MACO1: variants seen among roughly 807,000 people sequenced by gnomAD.
The protein encoded by MACO1 is macoilin.
A neutral mutation model predicts 78.7 loss-of-function variants in MACO1; 14 were observed. The ratio of observed to expected loss-of-function variants is 0.18; its 90% confidence interval spans 0.12 to 0.28. MACO1 has a LOEUF of 0.28. Ranked by LOEUF, MACO1 falls within the 10% of genes least tolerant of loss-of-function variation. The pLI is 1.00. For synonymous variants in MACO1, 288 were observed against 291.6 expected, an observed-to-expected ratio of 0.99 and a Z score of 0.12; for missense variants, 501 against 799.0, an observed-to-expected ratio of 0.63 and a Z score of 4.50.
intron 4 of MACO1, 100 bp downstream of exon 4, chr1:25,454,482 ATATATAT>A: frequency 6.2e-6 from 1 of 161,396 alleles, no homozygotes; most frequent in Middle Eastern, 3.1e-3. Flanking sequence ...ATATATATAT[ATATATAT>A]TTTTTTTTTT....
intron 10 of MACO1, among the ~76,000 whole-genome samples, chr1:25,493,783 A>G (rs2043510122): frequency 8.1e-6 from 1 of 122,942 alleles, no homozygotes. Flanking sequence ...CCCAGGCTGG[A>G]GTGCAGTGGC....
Position 25,475,539 on chromosome 1 carries a change from C to T in MACO1, c.1155-8577C>T, listed in dbSNP as rs897086347. Among the ~76,000 whole-genome samples, 81 of 148,222 alleles carry T rather than the reference C, an allele frequency of 5.5e-4. 1 individual carries two copies. The highest frequency in any genetic ancestry group is 3.0e-3 in the Admixed American group (45 of 14,916). On this transcript the variant is annotated intron_variant, in intron 6 of 10. Transcript: ENST00000374343. The stretch of plus-strand genomic sequence containing the variant: ...GACCAGTCTGGTCAACATAGCAAGA[C>T]CCAGGCTCTACAAAAAAAAAAAAAA...
intron 6 of MACO1, among the ~76,000 whole-genome samples, chr1:25,473,736 T>G (rs1214235176): frequency 6.6e-6 from 1 of 152,256 alleles, no homozygotes; most frequent in Non-Finnish European, 1.5e-5. Flanking sequence ...TCTTTAAATA[T>G]TATTCATGCT....
intron 4 of MACO1, 104 bp from the exon 5 acceptor site, chr1:25,456,549 T>A: frequency 8.5e-7 from 1 of 1,174,968 alleles, no homozygotes; most frequent in Non-Finnish European, 1.2e-6. Flanking sequence ...CATCATCAAT[T>A]AGAATTTATT....
At chr1:25,488,063 GT>G (rs566835399) in intron 8 of MACO1, among the ~76,000 whole-genome samples, 237 of 152,276 alleles carry the variant, frequency 1.6e-3, no homozygotes, top group Middle Eastern at 6.8e-3. Flanking sequence ...ATATATGTAT[GT>G]ATTTTGAGAC....
At chr1:25,480,552 C>G (rs1297319772) in intron 6 of MACO1, among the ~76,000 whole-genome samples, 1 of 152,086 alleles carries the variant, frequency 6.6e-6, no homozygotes, top group African/African-American at 2.4e-5. Flanking sequence ...GAACACATTC[C>G]TGTAACCACT....
intron 6 of MACO1, among the ~76,000 whole-genome samples, chr1:25,473,061 C>G (rs965447642): frequency 1.3e-5 from 2 of 152,120 alleles, no homozygotes; most frequent in African/African-American, 4.8e-5. Context: ...AGTGTGTTTT[C>G]TGTCTCTGTG....
chr1:25,464,906 T>C (rs1425434156), intron 6 of MACO1, among the ~76,000 whole-genome samples: 1 of 151,878 alleles, frequency 6.6e-6, no homozygotes, highest in Non-Finnish European at 1.5e-5. Context: ...ACTCCTGACC[T>C]CAGGTGATCC....
chr1:25,445,342 G>C (rs918323549), intron 1 of MACO1, among the ~76,000 whole-genome samples: 1 of 151,664 alleles, frequency 6.6e-6, no homozygotes, highest in South Asian at 2.1e-4. Context: ...ATTTGCTTTG[G>C]ATTCCTTTAT....
At position 25,491,651 on chromosome 1, in the gene MACO1, C is replaced by T. The variant is rs1033943203; in HGVS notation, c.1792+67C>T. 21 of 1,431,964 alleles carry T rather than the reference C, an allele frequency of 1.5e-5. No individual in the cohort carries two copies. The Admixed American group carries it at 3.1e-4, about 21-fold the overall frequency. 88.7% of individuals were successfully genotyped at this position (1,431,964 alleles called of 1,614,324 possible). On this transcript the variant is annotated intron_variant, in intron 10 of 10. Transcript: ENST00000374343. The stretch of plus-strand genomic sequence containing the variant: ...ATGCACAGGGATGCACAGGCCAGAC[C>T]TCTCCTGAGAGCTCTCAACCAAGGG...
At chr1:25,445,618 G>GT (rs1370305261) in intron 1 of MACO1, among the ~76,000 whole-genome samples, 4 of 143,834 alleles carry the variant, frequency 2.8e-5, no homozygotes, top group Admixed American at 2.8e-4. Flanking sequence ...TTTTGTTTTT[G>GT]TTTTTTTCCT....
chr1:25,471,917 T>C (rs1476853681), intron 6 of MACO1, among the ~76,000 whole-genome samples: 1 of 152,160 alleles, frequency 6.6e-6, no homozygotes, highest in African/African-American at 2.4e-5. Flanking sequence ...TTGAAAGAGG[T>C]GTAAGAATTT....
At chr1:25,486,290 A>G (rs2043430506) in intron 8 of MACO1, among the ~76,000 whole-genome samples, 1 of 151,676 alleles carries the variant, frequency 6.6e-6, no homozygotes, top group South Asian at 2.1e-4. Flanking sequence ...AATGAAATGG[A>G]AAAAAAAAGT....
intron 1 of MACO1, among the ~76,000 whole-genome samples, chr1:25,440,874 G>A (rs1049868959): frequency 5.9e-5 from 9 of 152,086 alleles, no homozygotes; most frequent in Admixed American, 2.0e-4. Flanking sequence ...CTTACTAGAA[G>A]ATACTTTGAG....
chr1:25,489,682 C>G (rs1222661639), intron 9 of MACO1, among the ~76,000 whole-genome samples: 1 of 152,168 alleles, frequency 6.6e-6, no homozygotes, highest in Non-Finnish European at 1.5e-5. Flanking sequence ...CTGAGCCTTG[C>G]AGATTGTTGT....
intron 2 of MACO1, among the ~76,000 whole-genome samples, chr1:25,448,451 G>A (rs551012347): frequency 1.7e-4 from 26 of 151,966 alleles, no homozygotes; most frequent in Non-Finnish European, 3.8e-4. Flanking sequence ...GTGACAGAGC[G>A]AGACTCCATC....
At chr1:25,488,035 C>T (rs1420029378) in intron 8 of MACO1, among the ~76,000 whole-genome samples, 3 of 152,096 alleles carry the variant, frequency 2.0e-5, no homozygotes, top group Admixed American at 1.3e-4. Context: ...CATCTAGACA[C>T]TCAGTAATAA....
At chr1:25,470,311 T>C (rs1454578527) in intron 6 of MACO1, among the ~76,000 whole-genome samples, 1 of 152,216 alleles carries the variant, frequency 6.6e-6, no homozygotes, top group African/African-American at 2.4e-5. Context: ...TAGGAGTGGT[T>C]GAGGCTGGCT....
intron 2 of MACO1, among the ~76,000 whole-genome samples, chr1:25,448,268 C>T (rs1216999161): frequency 6.6e-6 from 1 of 151,992 alleles, no homozygotes; most frequent in Non-Finnish European, 1.5e-5. Flanking sequence ...ATTGAGACCA[C>T]CCTAGCTAAC....
Sources: gnomAD v4.1 joint callset for allele counts (sites outside exome capture counted in the v4.1 genomes callset) on GRCh38, gnomAD v4.1.1 for gene constraint, MANE v1.5 for transcripts, NCBI Gene and HGNC (gene_info 2026-07-23, HGNC 2026-07-21) for gene names.